The following GNB4 variants were observed in gnomAD, a reference collection of about 807,000 sequenced individuals.
GNB4 encodes guanine nucleotide-binding protein subunit beta-4.
In GNB4, 28 loss-of-function variants were observed where a neutral mutation model predicts 45.2. That is an observed-to-expected ratio of 0.62 (90% confidence interval 0.46 to 0.85). GNB4 has a LOEUF of 0.85. GNB4 is among the 40% of genes least tolerant of loss of function. The probability of loss-of-function intolerance (pLI) is 0.00; values close to 1 mark genes in which losing one functional copy is unlikely to be tolerated. For missense variants in GNB4, 321 were observed against 425.4 expected, an observed-to-expected ratio of 0.75 and a Z score of 2.16; for synonymous variants, 132 against 143.7, an observed-to-expected ratio of 0.92 and a Z score of 0.58.
intron 1 of GNB4, among the ~76,000 whole-genome samples, chr3:179,428,273 G>A (rs1449154712): frequency 1.3e-5 from 2 of 149,020 alleles, no homozygotes; most frequent in Non-Finnish European, 3.0e-5. Flanking sequence ...TTAATATTGT[G>A]GCATATTTCT....
chr3:179,489,019 A>AAAAAAT, the GNB4 span, among the ~76,000 whole-genome samples: 1 of 21,384 alleles, frequency 4.7e-5, no homozygotes, highest in Non-Finnish European at 7.7e-5. Flanking sequence ...AAAAAAAAAA[A>AAAAAAT]ATATATATAT....
chr3:179,486,958 A>G, the GNB4 span, among the ~76,000 whole-genome samples: 2 of 152,358 alleles, frequency 1.3e-5, no homozygotes, highest in Non-Finnish European at 1.5e-5. Context: ...TCAAAAACAT[A>G]TTGGCATAAA....
the GNB4 span, among the ~76,000 whole-genome samples, chr3:179,466,958 G>A: frequency 9.9e-5 from 15 of 152,220 alleles, no homozygotes; most frequent in East Asian, 2.3e-3. Context: ...TGTTAAGGGT[G>A]GATTTTTAGC....
chr3:179,417,408 G>A (rs904914431), intron 4 of GNB4, among the ~76,000 whole-genome samples: 1 of 143,530 alleles, frequency 7.0e-6, no homozygotes, highest in Admixed American at 7.1e-5. Context: ...GTTTTGTTTG[G>A]ATTTTTTTTT....
intron 1 of GNB4, among the ~76,000 whole-genome samples, chr3:179,436,632 C>T (rs1041966058): frequency 7.9e-5 from 12 of 152,008 alleles, no homozygotes; most frequent in Non-Finnish European, 1.6e-4. Context: ...AACACACATG[C>T]CCACCCACCC....
chr3:179,405,602 CAT>C lies in GNB4; in HGVS notation c.700-198_700-197del, dbSNP rs577207673. 1,475 of 548,334 alleles carry C rather than the reference CAT, an allele frequency of 2.7e-3. 26 individuals are homozygous for C. Among genetic ancestry groups the C allele is most frequent in the African/African-American group, 0.024 (1,283 of 53,328 alleles). 34.0% of individuals were successfully genotyped at this position (548,334 alleles called of 1,614,324 possible). On this transcript the variant is annotated intron_variant, in intron 8 of 9. Transcript: ENST00000232564. Reference sequence around the variant, plus strand: ...TGGTGATTAAGACTGAATTAAATAACATATGCAAAGTACACAGCCCATTGTTC... The same window carrying C: ...TGGTGATTAAGACTGAATTAAATAACATGCAAAGTACACAGCCCATTGTTC...
chr3:179,409,045 A>G (rs1714563892), intron 8 of GNB4, among the ~76,000 whole-genome samples: 1 of 148,416 alleles, frequency 6.7e-6, no homozygotes, highest in Non-Finnish European at 1.5e-5. Context: ...ATACCCAGCT[A>G]CTTGGGCCCA....
the GNB4 span, among the ~76,000 whole-genome samples, chr3:179,483,768 G>A: frequency 2.6e-5 from 4 of 152,112 alleles, no homozygotes; most frequent in African/African-American, 9.7e-5. Context: ...AGATTATTTA[G>A]ATGGCTTATT....
the GNB4 span, among the ~76,000 whole-genome samples, chr3:179,498,815 G>A: frequency 2.1e-5 from 3 of 144,364 alleles, no homozygotes; most frequent in South Asian, 2.2e-4. Flanking sequence ...TGTGCAGAAC[G>A]TGCAGGTTTG....
intron 1 of GNB4, among the ~76,000 whole-genome samples, chr3:179,445,239 G>C (rs761065318): frequency 3.3e-5 from 5 of 152,100 alleles, no homozygotes; most frequent in Admixed American, 6.6e-5. Context: ...AAAAGTAAGA[G>C]AGTAGAAACA....
At chr3:179,410,868 T>C (rs763055771) in intron 8 of GNB4, among the ~76,000 whole-genome samples, 1 of 152,136 alleles carries the variant, frequency 6.6e-6, no homozygotes, top group African/African-American at 2.4e-5. Flanking sequence ...ATTGAGAGTA[T>C]AATAAATAGC....
At chr3:179,485,034 G>C in the GNB4 span, among the ~76,000 whole-genome samples, 3 of 135,930 alleles carry the variant, frequency 2.2e-5, no homozygotes, top group African/African-American at 8.6e-5. Context: ...TTTTTGAGAC[G>C]GAGTCTCGCT....
chr3:179,523,675 T>C, the GNB4 span, among the ~76,000 whole-genome samples: 5 of 152,046 alleles, frequency 3.3e-5, no homozygotes, highest in South Asian at 4.1e-4. Context: ...GGATGGGATA[T>C]TGGTGTTGAG....
At chr3:179,472,373 T>TC in the GNB4 span, among the ~76,000 whole-genome samples, 3 of 17,160 alleles carry the variant, frequency 1.7e-4, no homozygotes, top group Non-Finnish European at 3.2e-4. Flanking sequence ...TTTCTTTCTT[T>TC]TTTTTTTTTT....
upstream of GNB4, chr3:179,451,654 A>C (rs1318266057): frequency 9.2e-5 from 14 of 151,888 alleles, no homozygotes; most frequent in Non-Finnish European, 1.8e-4. Context: ...CGCCGCGCGC[A>C]GCTTCTGCTT....
chr3:179,464,560 T>C, the GNB4 span: 1 of 1,549,734 alleles, frequency 6.5e-7, no homozygotes, highest in Non-Finnish European at 8.9e-7. Flanking sequence ...CACCTGAGCA[T>C]GATCCTGGTT....
At chr3:179,429,925 C>T (rs1186804251) in intron 1 of GNB4, among the ~76,000 whole-genome samples, 1 of 152,162 alleles carries the variant, frequency 6.6e-6, no homozygotes, top group Non-Finnish European at 1.5e-5. Flanking sequence ...AGCCCTCTTG[C>T]AGCAGATGAC....
the GNB4 span, among the ~76,000 whole-genome samples, chr3:179,520,111 C>T: frequency 6.6e-6 from 1 of 150,686 alleles, no homozygotes; most frequent in Non-Finnish European, 1.5e-5. Context: ...GGATCTCAAA[C>T]ATGCTTTCTT....
chr3:179,524,699 G>A, the GNB4 span, among the ~76,000 whole-genome samples: 1 of 152,084 alleles, frequency 6.6e-6, no homozygotes, highest in Admixed American at 6.6e-5. Context: ...AGTGTCTCAG[G>A]GTTGCTGCCA....
Sources: gnomAD v4.1 joint callset for allele counts (sites outside exome capture counted in the v4.1 genomes callset) on GRCh38, gnomAD v4.1.1 for gene constraint, MANE v1.5 for transcripts, NCBI Gene and HGNC (gene_info 2026-07-23, HGNC 2026-07-21) for gene names.